Variants in CDH18 observed in about 807,000 individuals in gnomAD.
CDH18 encodes the protein cadherin-18.
A neutral mutation model predicts 67.9 loss-of-function variants in CDH18; 31 were observed. The ratio of observed to expected loss-of-function variants is 0.46; its 90% confidence interval spans 0.34 to 0.62. CDH18 has a LOEUF of 0.62. Among genes scored for constraint, CDH18 ranks in the 20% least tolerant of loss-of-function variants. The pLI is 0.01. For synonymous variants in CDH18, 362 were observed against 347.2 expected (o/e 1.04, Z -0.48); for missense variants, 890 against 975.5 (o/e 0.91, Z 1.17).
intron 3 of CDH18, among the ~76,000 whole-genome samples, chr5:19,748,036 C>G (rs1487771166): frequency 7.3e-6 from 1 of 137,296 alleles, no homozygotes; most frequent in Non-Finnish European, 1.5e-5. Context: ...TGGCGTGAAC[C>G]TGGGAGGCGG....
chr5:19,479,397 T>C (rs1372730375), intron 12 of CDH18, among the ~76,000 whole-genome samples: 1 of 152,206 alleles, frequency 6.6e-6, no homozygotes, highest in Non-Finnish European at 1.5e-5. Flanking sequence ...AAAATCATAA[T>C]CTCATAAATT....
At chr5:20,197,549 CAGAA>C (rs1261934190) in intron 2 of CDH18, among the ~76,000 whole-genome samples, 2 of 152,102 alleles carry the variant, frequency 1.3e-5, no homozygotes, top group African/African-American at 4.8e-5. Flanking sequence ...CTGGAAGAAA[CAGAA>C]AGTTTCCTTG....
intron 1 of CDH18, among the ~76,000 whole-genome samples, chr5:20,462,467 A>G (rs542127974): frequency 7.2e-5 from 11 of 152,308 alleles, no homozygotes; most frequent in Admixed American, 3.3e-4. Flanking sequence ...AATACACTGT[A>G]TATTTCATAA....
chr5:19,752,282 G>A (rs1326731170), intron 3 of CDH18, among the ~76,000 whole-genome samples: 1 of 152,102 alleles, frequency 6.6e-6, no homozygotes, highest in Non-Finnish European at 1.5e-5. Context: ...TTAGCCGGCG[G>A]TAAGTCCTCA....
chr5:20,105,560 T>C (rs1250899872), intron 2 of CDH18, among the ~76,000 whole-genome samples: 1 of 152,162 alleles, frequency 6.6e-6, no homozygotes, highest in Admixed American at 6.5e-5. Flanking sequence ...AAAGAGAAAC[T>C]GTAAACAACC....
chr5:19,563,901 A>C (rs1739905992), intron 8 of CDH18, among the ~76,000 whole-genome samples: 1 of 152,174 alleles, frequency 6.6e-6, no homozygotes, highest in South Asian at 2.1e-4. Context: ...CAAAGAGAGA[A>C]TCTGTGCACT....
chr5:19,647,345 AC>A lies in CDH18; in HGVS notation c.644-34745del, dbSNP rs535429549. Among the ~76,000 whole-genome samples the A allele has an allele frequency of 1.1e-4, 16 of 143,996 alleles. No homozygotes were observed. In the South Asian group the frequency reaches 3.7e-3, roughly 33 times the overall value. The allele number at this position is 143,996 out of a possible 152,430, so 94.5% of individuals were successfully genotyped here. On this transcript the variant is annotated intron_variant, in intron 5 of 12. Coordinates refer to ENST00000382275, the MANE Select transcript of CDH18 (RefSeq NM_004934.5). ...AGACCATCCTGGCCAACATGATGAAACCCCGTCTCTACTAAAAATAACAACA... is the reference window on the plus strand; with the variant it reads ...AGACCATCCTGGCCAACATGATGAAACCCGTCTCTACTAAAAATAACAACA...
intron 1 of CDH18, among the ~76,000 whole-genome samples, chr5:20,531,923 GA>G (rs1200209876): frequency 9.2e-5 from 14 of 151,606 alleles, no homozygotes; most frequent in African/African-American, 2.9e-4. Context: ...ATTAAGAAAA[GA>G]AAAAAATATA....
chr5:19,900,561 A>C (rs1355215179), intron 2 of CDH18, among the ~76,000 whole-genome samples: 1 of 152,182 alleles, frequency 6.6e-6, no homozygotes, highest in Non-Finnish European at 1.5e-5. Flanking sequence ...CTTGCACTTC[A>C]TACATATGTA....
chr5:20,526,337 C>T (rs766910250), intron 1 of CDH18, among the ~76,000 whole-genome samples: 42 of 152,240 alleles, frequency 2.8e-4, no homozygotes, highest in Non-Finnish European at 4.9e-4. Flanking sequence ...TTCCTGCCTG[C>T]TGACTCTGAA....
intron 2 of CDH18, among the ~76,000 whole-genome samples, chr5:20,194,505 ACT>A (rs1738804679): frequency 6.6e-6 from 1 of 151,990 alleles, no homozygotes; most frequent in South Asian, 2.1e-4. Context: ...AAGCTGAGAC[ACT>A]CTGAACAGAT....
chr5:20,402,459 T>C (rs890123344), intron 1 of CDH18, among the ~76,000 whole-genome samples: 10 of 152,096 alleles, frequency 6.6e-5, no homozygotes, highest in Non-Finnish European at 1.5e-4. Context: ...AGGAAAAAAA[T>C]GTACGCAAGG....
intron 1 of CDH18, among the ~76,000 whole-genome samples, chr5:20,449,812 T>C (rs969876348): frequency 7.4e-6 from 1 of 134,702 alleles, no homozygotes; most frequent in African/African-American, 2.5e-5. Context: ...ATCTTTCATG[T>C]TTGTCTACAA....
chr5:20,542,811 T>C (rs1018487998), intron 1 of CDH18, among the ~76,000 whole-genome samples: 2 of 151,786 alleles, frequency 1.3e-5, no homozygotes, highest in Admixed American at 6.6e-5. Context: ...CATGGATTTA[T>C]TTATACATTA....
intron 2 of CDH18, among the ~76,000 whole-genome samples, chr5:19,905,888 A>T (rs145057903): frequency 2.0e-3 from 301 of 152,188 alleles, no homozygotes; most frequent in African/African-American, 6.7e-3. Flanking sequence ...AGATAATATT[A>T]AAAAAATTCT....
intron 2 of CDH18, among the ~76,000 whole-genome samples, chr5:19,845,117 C>T (rs1183813213): frequency 6.6e-6 from 1 of 151,744 alleles, no homozygotes; most frequent in Non-Finnish European, 1.5e-5. Flanking sequence ...AAATATATAT[C>T]CAAATTATAG....
At chr5:20,376,186 CGG>C (rs1029056791) in intron 1 of CDH18, among the ~76,000 whole-genome samples, 1 of 145,276 alleles carries the variant, frequency 6.9e-6, no homozygotes, top group Non-Finnish European at 1.5e-5. Flanking sequence ...CTCCGCCTCC[CGG>C]GTTCACGCCA....
At chr5:20,500,368 C>T (rs1258292059) in intron 1 of CDH18, among the ~76,000 whole-genome samples, 7 of 152,110 alleles carry the variant, frequency 4.6e-5, no homozygotes, top group Non-Finnish European at 7.4e-5. Flanking sequence ...GCACATCCTT[C>T]TAACAAATGC....
chr5:19,800,916 C>A (rs536187500), intron 3 of CDH18, among the ~76,000 whole-genome samples: 1 of 151,980 alleles, frequency 6.6e-6, no homozygotes, highest in Non-Finnish European at 1.5e-5. Context: ...CTCGGGAGTC[C>A]GCGACCAGCC....
Sources: allele counts gnomAD v4.1 joint callset (sites outside exome capture counted in the v4.1 genomes callset), GRCh38; gene constraint gnomAD v4.1.1; transcripts MANE v1.5; gene names NCBI Gene and HGNC (gene_info 2026-07-23, HGNC 2026-07-21).